ADGRA2: variants seen among roughly 807,000 people sequenced by gnomAD.
ADGRA2 encodes adhesion G protein-coupled receptor A2, also known as G-protein coupled receptor 124.
A neutral mutation model predicts 98.7 loss-of-function variants in ADGRA2; 61 were observed. The observed-to-expected ratio is 0.62, with a 90% CI of 0.50 to 0.76. The LOEUF is 0.76. Ranked by LOEUF, ADGRA2 falls within the 30% of genes least tolerant of loss-of-function variation. The pLI, the probability that ADGRA2 is intolerant of heterozygous loss-of-function variation, is 0.00. For synonymous variants in ADGRA2, 858 were observed against 831.5 expected (o/e 1.03, Z -0.55); for missense variants, 1,712 against 1,860.0 (o/e 0.92, Z 1.46).
chr8:37,818,872 C>T (rs920110755), intron 2 of ADGRA2, among the ~76,000 whole-genome samples: 1 of 152,190 alleles, frequency 6.6e-6, no homozygotes, highest in African/African-American at 2.4e-5. Context: ...TTGCTGATGA[C>T]ATGCCTGGGC....
Position 37,833,716 on chromosome 8 carries a change from C to A in ADGRA2, c.1325C>A (p.Thr442Asn), listed in dbSNP as rs1437687784. 1.2e-6 allele frequency: 2 copies of A among 1,614,188 alleles called. No individual in the cohort carries two copies. Among genetic ancestry groups the A allele is most frequent in the Admixed American group, 1.7e-5 (1 of 60,026 alleles). The change falls in exon 10 of 19, where the codon ACC becomes AAC. Residue 442 changes from threonine (T) to asparagine (N), a missense_variant. By Grantham distance (65) the Thr-to-Asn change is moderately conservative (BLOSUM62 0). Coordinates refer to ENST00000412232, the MANE Select transcript of ADGRA2 (RefSeq NM_032777.10). ...CCCATCAATGCCTCCAATGCGCTGA[C>A]CCTGGCTCACCAGCTGCGCGTGTAC... ...LMPINASNAL[T>N]LAHQLRVYTA...
intron 1 of ADGRA2, among the ~76,000 whole-genome samples, chr8:37,810,382 A>G (rs1456946237): frequency 6.6e-6 from 1 of 151,870 alleles, no homozygotes; most frequent in Non-Finnish European, 1.5e-5. Context: ...GGTGGCATGC[A>G]CCTGTAGTCC....
chr8:37,822,423 T>A (rs55804002), intron 2 of ADGRA2, among the ~76,000 whole-genome samples: 49,112 of 149,468 alleles, frequency 0.33, 9,475 homozygotes, highest in African/African-American at 0.54. Flanking sequence ...ACATGCTCTT[T>A]AACTCACATG....
rs748174380 is a variant in ADGRA2 at position 37,841,355 on chromosome 8, C to G, written c.3017C>G (p.Pro1006Arg). 4 of 1,606,480 alleles carry G rather than the reference C, an allele frequency of 2.5e-6. No individual in the cohort carries two copies. Among genetic ancestry groups the G allele is most frequent in the South Asian group, 2.2e-5 (2 of 90,324 alleles). ...GCGCGAGTGGGGACGCCCGGGCCCC[C>G]GGAGGATGGTGACAGCCTCTATTCT... ...GSARVGTPGP[P>R]EDGDSLYSPG... The change falls in exon 19 of 19, where the codon CCG (proline) becomes CGG (arginine). Residue 1006 changes from proline (P) to arginine (R), a missense_variant. Physicochemically the swap from Pro to Arg is moderately radical, Grantham distance 103. Transcript: ENST00000412232. This position sits in a 1 kb window ranked among gnomAD's most constrained non-coding sequence, Gnocchi z 5.0.
rs764095085 is a variant in ADGRA2 at position 37,839,009 on chromosome 8, C to G, written c.2313C>G (p.Pro771=). 6.3e-7 allele frequency: 1 copy of G among 1,598,638 alleles called. No homozygotes were observed. The highest frequency in any genetic ancestry group is 8.5e-7 in the Non-Finnish European group (1 of 1,172,032). The change falls in exon 15 of 19, where the codon CCC becomes CCG. Residue 771 remains proline (P), a synonymous_variant. Transcript: ENST00000412232. Reference sequence around the variant, plus strand: ...GGGGCGCCGGGGCAGGGCTGCACCCCGTGGTATACCCCTGCACGGCCTTGC... The same window carrying G: ...GGGGCGCCGGGGCAGGGCTGCACCCGGTGGTATACCCCTGCACGGCCTTGC... ...EVGGAGAGLH[P]VVYPCTALLL... is the part of the protein sequence containing the mutation.
chr8:37,832,408 C>G (rs1056713055), intron 8 of ADGRA2, among the ~76,000 whole-genome samples: 8 of 152,100 alleles, frequency 5.3e-5, no homozygotes, highest in African/African-American at 1.9e-4. Context: ...ACAATCATAC[C>G]TCACTGCAGT....
rs1214368920 is a variant in ADGRA2 at position 37,843,771 on chromosome 8, A to G, written c.*1416A>G. The G allele has an allele frequency of 6.6e-6, 1 of 152,578 alleles. No individual in the cohort carries two copies. Among genetic ancestry groups the G allele is most frequent in the Non-Finnish European group, 1.5e-5 (1 of 68,020 alleles). The allele number at this position is 152,578 out of a possible 1,614,324, so 9.5% of individuals were successfully genotyped here. On this transcript the variant is annotated 3_prime_UTR_variant, in exon 19 of 19. Transcript: ENST00000412232. ...AAAAAAAGCTTTGTATTATTCTTCC[A>G]CATATGCTGGCTGCTGTTTACACAC...
chr8:37,841,107 A>G lies in ADGRA2; in HGVS notation c.2769A>G (p.Pro923=), dbSNP rs1300570577. 6.2e-7 allele frequency: 1 copy of G among 1,602,148 alleles called. No individual in the cohort carries two copies. The change falls in exon 19 of 19, where the codon CCA becomes CCG. Residue 923 remains proline, a synonymous_variant. Coordinates refer to ENST00000412232, the MANE Select transcript of ADGRA2 (RefSeq NM_032777.10). The surrounding 1 kb of genome is among the most constrained non-coding windows in gnomAD (Gnocchi z 5.0). The part of the protein sequence containing the change: ...HSPYCWLVWR[P]SLGAFYIPVA... The stretch of plus-strand genomic sequence containing the variant: ...ACAGCTGCTGGCTGGTGTGGCGTCC[A>G]AGCCTTGGCGCCTTCTACATCCCTG...
At chr8:37,825,410 AT>A (rs750368833) in intron 2 of ADGRA2, among the ~76,000 whole-genome samples, 1,699 of 137,934 alleles carry the variant, frequency 0.012, 3 homozygotes, top group African/African-American at 0.013. Context: ...CATTGGCTAA[AT>A]TTTTTTTTTT....
At chr8:37,829,038 C>G in intron 3 of ADGRA2, 79 bp downstream of exon 3, 1 of 1,015,102 alleles carries the variant, frequency 9.9e-7, no homozygotes, top group South Asian at 1.7e-5. Context: ...ATGCCCACCC[C>G]CTTCCTCTCA....
At chr8:37,829,381 A>C in intron 4 of ADGRA2, 49 bp downstream of exon 4, 1 of 1,570,290 alleles carries the variant, frequency 6.4e-7, no homozygotes, top group Non-Finnish European at 8.8e-7. Flanking sequence ...GAAGAAGTGC[A>C]TAGGAAGCAA....
chr8:37,799,748 A>G (rs1352152068), intron 1 of ADGRA2, among the ~76,000 whole-genome samples: 1 of 152,146 alleles, frequency 6.6e-6, no homozygotes, highest in Admixed American at 6.5e-5. Flanking sequence ...CCCTTTAAGG[A>G]GCAGCCCCAG....
Position 37,839,564 on chromosome 8 carries a change from C to T in ADGRA2, c.2453C>T (p.Thr818Ile). Residue 818 changes from threonine (T) to isoleucine (I), a missense_variant, in exon 16 of 19, where the codon ACC becomes ATC. Transcript: ENST00000412232. ...LLNLCFHIAM[T>I]SAVFAGGITL... ...AACTTGTGCTTCCACATAGCCATGA[C>T]CTCTGCTGTCTTTGCGGGGGGCATC... is the stretch of plus-strand genomic sequence containing the variant. The T allele has an allele frequency of 1.2e-6, 2 of 1,614,168 alleles. No individual in the cohort carries two copies. The highest frequency in any genetic ancestry group is 1.1e-5 in the South Asian group (1 of 91,082).
intron 2 of ADGRA2, among the ~76,000 whole-genome samples, chr8:37,819,404 G>A (rs933058886): frequency 2.6e-5 from 4 of 152,098 alleles, no homozygotes; most frequent in African/African-American, 4.8e-5. Flanking sequence ...ATGGAGTCTC[G>A]CTCTGTCACC....
intron 1 of ADGRA2, among the ~76,000 whole-genome samples, chr8:37,807,575 A>T (rs1804713147): frequency 6.6e-6 from 1 of 152,182 alleles, no homozygotes; most frequent in South Asian, 2.1e-4. Context: ...GAAATGCTCA[A>T]AGGCACAGCG....
intron 2 of ADGRA2, among the ~76,000 whole-genome samples, chr8:37,826,511 C>T (rs962043614): frequency 2.0e-5 from 3 of 152,204 alleles, no homozygotes; most frequent in Admixed American, 6.5e-5. Context: ...GGAACTGGCC[C>T]CTTCTGGTGG....
intron 2 of ADGRA2, among the ~76,000 whole-genome samples, chr8:37,818,685 G>A: frequency 6.6e-6 from 1 of 152,238 alleles, no homozygotes; most frequent in African/African-American, 2.4e-5. Context: ...GTGAGCACAG[G>A]AGATCAGGTG....
intron 1 of ADGRA2, among the ~76,000 whole-genome samples, chr8:37,812,173 G>T (rs1804853783): frequency 6.6e-6 from 1 of 152,090 alleles, no homozygotes; most frequent in Admixed American, 6.6e-5. Flanking sequence ...TGTTGTTGTT[G>T]TTGTTGTTGT....
chr8:37,811,475 T>C (rs1207489094), intron 1 of ADGRA2, among the ~76,000 whole-genome samples: 1 of 95,130 alleles, frequency 1.1e-5, no homozygotes, highest in African/African-American at 5.1e-5. Context: ...CCCAGCCAAC[T>C]TTTTTTTTTT....
Sources: gnomAD v4.1 joint callset for allele counts (sites outside exome capture counted in the v4.1 genomes callset) on GRCh38, gnomAD v4.1.1 for gene constraint, Gnocchi (gnomAD v3.1) non-coding constraint, MANE v1.5 for transcripts, NCBI Gene and HGNC (gene_info 2026-07-23, HGNC 2026-07-21) for gene names.